Variants in NCOR1 observed in about 807,000 individuals in gnomAD.
NCOR1 encodes protein phosphatase 1, regulatory subunit 109.
NCOR1 carries 63 observed loss-of-function variants against 288.1 expected under a neutral mutation model. The ratio of observed to expected loss-of-function variants is 0.22; its 90% CI spans 0.18 to 0.27. The LOEUF is 0.27. NCOR1 is among the 10% of genes least tolerant of loss of function. NCOR1 has a pLI of 1.00. For missense variants in NCOR1, 2,397 were observed against 3,019.2 expected, an observed-to-expected ratio of 0.79 and a Z score of 4.83; for synonymous variants, 1,007 against 1,065.9, an observed-to-expected ratio of 0.94 and a Z score of 1.08.
intron 42 of NCOR1, among the ~76,000 whole-genome samples, chr17:16,041,453 A>G (rs898765479): frequency 6.3e-5 from 5 of 79,226 alleles, no homozygotes; most frequent in East Asian, 2.3e-4. Context: ...TATTCTTGTC[A>G]CCCAGGCTGG....
intron 11 of NCOR1, among the ~76,000 whole-genome samples, chr17:16,143,257 C>T (rs565068911): frequency 6.6e-6 from 1 of 152,316 alleles, no homozygotes; most frequent in African/African-American, 2.4e-5. Context: ...CTTCCTCTTT[C>T]TCATCTCCCA....
At chr17:16,094,099 C>T (rs1482079881) in intron 21 of NCOR1, among the ~76,000 whole-genome samples, 6 of 151,680 alleles carry the variant, frequency 4.0e-5, no homozygotes, top group Non-Finnish European at 7.4e-5. Flanking sequence ...GACAGGGTTT[C>T]GCTATGTTGC....
At chr17:16,059,397 A>G (rs2060306373) in intron 37 of NCOR1, among the ~76,000 whole-genome samples, 1 of 152,234 alleles carries the variant, frequency 6.6e-6, no homozygotes, top group Non-Finnish European at 1.5e-5. Flanking sequence ...TCCAAACATT[A>G]ATAATTTTTT....
intron 12 of NCOR1, 27 bp from the exon 13 acceptor site, chr17:16,138,239 A>G (rs774900132): frequency 6.3e-7 from 1 of 1,580,414 alleles, no homozygotes; most frequent in Admixed American, 1.8e-5. Context: ...ACAAAAACAC[A>G]CTTGCGTACA....
chr17:16,094,262 T>C (rs904376997), intron 21 of NCOR1, among the ~76,000 whole-genome samples: 1 of 152,090 alleles, frequency 6.6e-6, no homozygotes, highest in Non-Finnish European at 1.5e-5. Context: ...GGCTATAATA[T>C]ATAAATACTC....
At chr17:16,150,929 CA>C (rs781530900) in intron 8 of NCOR1, among the ~76,000 whole-genome samples, 1 of 151,944 alleles carries the variant, frequency 6.6e-6, no homozygotes, top group Non-Finnish European at 1.5e-5. Flanking sequence ...TAAAATTATT[CA>C]AATTCAATTG....
intron 23 of NCOR1, among the ~76,000 whole-genome samples, chr17:16,083,497 C>T (rs549141783): frequency 1.5e-4 from 22 of 151,692 alleles, no homozygotes; most frequent in African/African-American, 4.6e-4. Flanking sequence ...TTAGAAGATT[C>T]GATGTAAGAT....
At chr17:16,175,581 G>A (rs141486942) in intron 3 of NCOR1, among the ~76,000 whole-genome samples, 7 of 152,202 alleles carry the variant, frequency 4.6e-5, no homozygotes, top group African/African-American at 1.7e-4. Context: ...CATACTCAAT[G>A]TTTTTCTTAA....
In NCOR1 at chr17:16,111,556, C is replaced by G. The variant is rs867004467; in HGVS notation, c.2056-2644G>C. 6.6e-5 allele frequency among the ~76,000 whole-genome samples: 10 copies of G among 151,936 alleles called. No individual in the cohort carries two copies. In the South Asian group the frequency reaches 1.3e-3, roughly 19 times the overall value. ...GGCAGAGGTTGCAGTGAGCCAAGAT[C>G]AAGCCACTGCACTCCAGCCTTGGTG... On this transcript the variant is annotated intron_variant, in intron 18 of 45. Transcript: ENST00000268712.
intron 18 of NCOR1, among the ~76,000 whole-genome samples, chr17:16,112,489 C>T (rs913951658): frequency 6.6e-6 from 1 of 152,126 alleles, no homozygotes; most frequent in African/African-American, 2.4e-5. Flanking sequence ...TTAAAGGCCG[C>T]AGAGAACTTT....
At position 16,186,802 on chromosome 17, in the gene NCOR1, A is replaced by C. The variant is rs1424994590; in HGVS notation, c.109-115T>G. On this transcript the variant is annotated intron_variant, in intron 2 of 45. Transcript: ENST00000268712. ...CTAAGTATGGAAAGAAAGAGCAATG[A>C]CTATTTCAATCCTTCATTGATCTAA... The C allele has an allele frequency of 3.5e-6, 3 of 857,884 alleles. No homozygotes were observed. The East Asian group carries it at 7.5e-5, about 22-fold the overall frequency. The allele number at this position is 857,884 out of a possible 1,614,324, so 53.1% of individuals were successfully genotyped here. A position where few individuals can be genotyped will look rare whatever the true frequency, so the allele number is the denominator to read the frequency against.
chr17:16,117,580 T>C (rs2071945948), intron 18 of NCOR1, among the ~76,000 whole-genome samples: 1 of 149,806 alleles, frequency 6.7e-6, no homozygotes, highest in Non-Finnish European at 1.5e-5. Context: ...CCCAGCACTT[T>C]GGGAGGCTGA....
intron 18 of NCOR1, 96 bp downstream of exon 18, chr17:16,117,792 A>G: frequency 7.4e-7 from 1 of 1,358,520 alleles, no homozygotes; most frequent in South Asian, 1.5e-5. Flanking sequence ...GCTGCACTCT[A>G]GCCTGGGTGA....
intron 3 of NCOR1, among the ~76,000 whole-genome samples, chr17:16,183,230 C>CAAAAAAAAAAAAAAAGAAAAAAAAAAAA (rs2085891280): frequency 4.7e-5 from 3 of 64,028 alleles, no homozygotes; most frequent in Admixed American, 1.9e-4. Flanking sequence ...AGCAATCAAA[C>CAAAAAAAAAAAAAAAGAAAAAAAAAAAA]AAAAAAAAAA....
At chr17:16,116,097 G>T (rs983348507) in intron 18 of NCOR1, among the ~76,000 whole-genome samples, 2 of 152,128 alleles carry the variant, frequency 1.3e-5, no homozygotes, top group Admixed American at 6.5e-5. Flanking sequence ...GAGCTTGTGC[G>T]GGGAAATTCC....
intron 1 of NCOR1, among the ~76,000 whole-genome samples, chr17:16,200,523 C>CAAAAAAAAAAAA (rs2090646213): frequency 9.4e-6 from 1 of 106,642 alleles, no homozygotes. Context: ...AAAAAAAAAG[C>CAAAAAAAAAAAA]TAAAAATATA....
chr17:16,154,015 C>CTTTTTTTT (rs61436082), intron 6 of NCOR1, among the ~76,000 whole-genome samples: 22 of 109,680 alleles, frequency 2.0e-4, no homozygotes, highest in Admixed American at 2.1e-4. Flanking sequence ...ATGCTATTTC[C>CTTTTTTTT]TTTTTTTTTT....
At chr17:16,212,562 T>A (rs1206501270) in intron 1 of NCOR1, among the ~76,000 whole-genome samples, 1 of 152,150 alleles carries the variant, frequency 6.6e-6, no homozygotes. Flanking sequence ...ATGCAAGAGT[T>A]CCATCATTCC....
intron 19 of NCOR1, among the ~76,000 whole-genome samples, chr17:16,106,598 C>T (rs1276178203): frequency 6.6e-6 from 1 of 151,948 alleles, no homozygotes; most frequent in African/African-American, 2.4e-5. Flanking sequence ...CAGCAGCTGC[C>T]TTCGTTCTTC....
Sources: gnomAD v4.1 joint callset for allele counts (sites outside exome capture counted in the v4.1 genomes callset) on GRCh38, gnomAD v4.1.1 for gene constraint, MANE v1.5 for transcripts, NCBI Gene and HGNC (gene_info 2026-07-23, HGNC 2026-07-21) for gene names.